COL17A1: variants seen among roughly 807,000 people sequenced by gnomAD.
COL17A1 encodes collagen type XVII alpha 1 chain.
A neutral mutation model predicts 218.4 loss-of-function variants in COL17A1; 181 were observed. That is an observed-to-expected ratio of 0.83 (90% confidence interval 0.73 to 0.94). The LOEUF (loss-of-function observed/expected upper bound fraction) is 0.94. Ranked by LOEUF, COL17A1 falls within the 40% of genes least tolerant of loss-of-function variation. The pLI is 0.00. For missense variants in COL17A1, 1,924 were observed against 1,945.9 expected (o/e 0.99, Z 0.21); for synonymous variants, 721 against 731.0 (o/e 0.99, Z 0.22).
intron 20 of COL17A1, 90 bp downstream of exon 20, chr10:104,054,891 G>T: frequency 6.3e-7 from 1 of 1,591,318 alleles, no homozygotes; most frequent in Non-Finnish European, 8.6e-7. Flanking sequence ...ACTTCTTGGA[G>T]TGCAAGGTGG....
Position 104,037,620 on chromosome 10 carries a change from G to A in COL17A1, c.3208+16C>T, listed in dbSNP as rs2282437. 0.81 allele frequency: 1,302,337 copies of A among 1,613,628 alleles called. 531,264 individuals carry two copies. Among genetic ancestry groups the A allele is most frequent in the East Asian group, 0.84 (37,628 of 44,856 alleles). On this transcript the variant is annotated intron_variant, in intron 46 of 55. Transcript: ENST00000648076. ...AGGAGGAAGGTGCCAGGTGCAGGGC[G>A]TGGGGAAGGGCTTACTCCGTAAGTA... is the stretch of plus-strand genomic sequence containing the variant.
In COL17A1 at chr10:104,032,224, C is replaced by T; in HGVS notation, c.*11G>A. 6.2e-7 allele frequency: 1 copy of T among 1,611,478 alleles called. No homozygotes were observed. Among genetic ancestry groups the T allele is most frequent in the East Asian group, 2.2e-5 (1 of 44,874 alleles). On this transcript the variant is annotated 3_prime_UTR_variant, in exon 56 of 56. Coordinates refer to ENST00000648076, the MANE Select transcript of COL17A1 (RefSeq NM_000494.4). ...GAGACCTGGTCCAGGAGCTGTCCTG[C>T]CATGGCTAGCTCACGGCTTGACAGC...
Position 104,035,523 on chromosome 10 carries a change from G to A in COL17A1, c.3459C>T (p.Pro1153=), listed in dbSNP as rs1034584174. The A allele has an allele frequency of 3.1e-6, 5 of 1,613,722 alleles. No homozygotes were observed. The African/African-American group carries it at 6.7e-5, about 22-fold the overall frequency. Residue 1153 remains proline (P), a synonymous_variant, in exon 49 of 56, where the codon CCC becomes CCT. Transcript: ENST00000648076. ...ISIGLPGPPG[P]PGLPGTSYEE... ...CATAGGAGGTTCCCGGCAAGCCAGG[G>A]GGCCCCGGGGGACCAGGAAGCCCAA...
intron 9 of COL17A1, among the ~76,000 whole-genome samples, chr10:104,067,082 A>C (rs2086632463): frequency 6.6e-6 from 1 of 152,228 alleles, no homozygotes; most frequent in South Asian, 2.1e-4. Flanking sequence ...TTAAAAGGGC[A>C]GCCATGACCA....
chr10:104,052,960 G>T, intron 23 of COL17A1, 71 bp downstream of exon 23: 1 of 1,539,012 alleles, frequency 6.5e-7, no homozygotes, highest in Middle Eastern at 1.7e-4. Flanking sequence ...GAGTGAAGGA[G>T]GGACGGGTGT....
chr10:104,048,384 C>T (rs2086434979), intron 29 of COL17A1, among the ~76,000 whole-genome samples: 1 of 152,184 alleles, frequency 6.6e-6, no homozygotes, highest in African/African-American at 2.4e-5. Flanking sequence ...TACTTGAGGG[C>T]CTAGAAGTCA....
rs1160585914 is a variant in COL17A1 at position 104,076,408 on chromosome 10, G to A, written c.224C>T (p.Ala75Val). ...INSTGSTRGHASTSSYRRAHS... is the reference protein window; with the variant it reads ...INSTGSTRGHVSTSSYRRAHS... ...AGCCCTCCTGTAACTAGAGGTGGAG[G>A]CATGGCCTCGTGTGCTTCCAGCTGC... Residue 75 changes from alanine (A) to valine (V), a missense_variant, in exon 5 of 56, where the codon GCC becomes GTC. Physicochemically the swap from Ala to Val is moderately conservative, Grantham distance 64. Coordinates refer to ENST00000648076, the MANE Select transcript of COL17A1 (RefSeq NM_000494.4). 2 of 1,614,042 alleles carry A rather than the reference G, an allele frequency of 1.2e-6. No homozygotes were observed. Among genetic ancestry groups the A allele is most frequent in the Non-Finnish European group, 1.7e-6 (2 of 1,180,012 alleles).
intron 30 of COL17A1, 35 bp from the exon 31 acceptor site, chr10:104,047,845 A>G (rs144196873): frequency 6.3e-7 from 1 of 1,579,082 alleles, no homozygotes; most frequent in African/African-American, 1.3e-5. Flanking sequence ...AAGTGTTTAC[A>G]TTTAGGAAAG....
At chr10:104,051,278 G>T (rs1429872144) in intron 25 of COL17A1, among the ~76,000 whole-genome samples, 1 of 152,238 alleles carries the variant, frequency 6.6e-6, no homozygotes, top group African/African-American at 2.4e-5. Flanking sequence ...CAAGCCCTAA[G>T]CCAGGTCAGA....
At chr10:104,048,368 C>T (rs1488229590) in intron 29 of COL17A1, among the ~76,000 whole-genome samples, 2 of 152,214 alleles carry the variant, frequency 1.3e-5, no homozygotes, top group East Asian at 1.9e-4. Context: ...CAATGCTTGT[C>T]GCGTTTACTT....
At chr10:104,072,513 A>G (rs539424495) in intron 7 of COL17A1, among the ~76,000 whole-genome samples, 1 of 152,372 alleles carries the variant, frequency 6.6e-6, no homozygotes, top group African/African-American at 2.4e-5. Flanking sequence ...GGAAGCTGGT[A>G]GCTAACATTA....
At chr10:104,080,864 A>C (rs1336257504) in intron 1 of COL17A1, among the ~76,000 whole-genome samples, 180 bp from the exon 2 acceptor site, 1 of 152,218 alleles carries the variant, frequency 6.6e-6, no homozygotes, top group African/African-American at 2.4e-5. Flanking sequence ...ATAGAGGTTA[A>C]TTTAATTGTT....
intron 39 of COL17A1, 58 bp downstream of exon 39, chr10:104,041,007 C>G: frequency 6.3e-7 from 1 of 1,597,306 alleles, no homozygotes; most frequent in Non-Finnish European, 8.6e-7. Context: ...CGGCCACAGT[C>G]TGTGGCAGGA....
At chr10:104,063,469 C>G in intron 11 of COL17A1, 1 of 482,126 alleles carries the variant, frequency 2.1e-6, no homozygotes, top group Non-Finnish European at 3.8e-6. Context: ...CACGATGATT[C>G]CGTTAGACCC....
chr10:104,033,345 G>T lies in COL17A1; in HGVS notation c.4187C>A (p.Thr1396Asn). The T allele has an allele frequency of 1.2e-6, 2 of 1,610,370 alleles. No individual in the cohort carries two copies. The highest frequency in any genetic ancestry group is 1.7e-6 in the Non-Finnish European group (2 of 1,178,432). ...AGGCTGGCCTGGTGGGCCCTGGACA[G>T]TGTAGGCCATCCCTTGCAGTAGGCC... ...RQGLLQGMAY[T>N]VQGPPGQPGP... The change falls in exon 53 of 56, where the codon ACT becomes AAT. Residue 1396 changes from threonine (T) to asparagine (N), a missense_variant. Physicochemically the swap from Thr to Asn is moderately conservative, Grantham distance 65 (BLOSUM62 0). Transcript: ENST00000648076.
chr10:104,044,899 TATC>T (rs972266566), intron 33 of COL17A1, among the ~76,000 whole-genome samples: 14 of 152,122 alleles, frequency 9.2e-5, no homozygotes, highest in African/African-American at 3.4e-4. Flanking sequence ...TAAACTCAGT[TATC>T]ATTATTTTGG....
At chr10:104,044,847 G>A (rs747315300) in intron 33 of COL17A1, among the ~76,000 whole-genome samples, 2 of 152,144 alleles carry the variant, frequency 1.3e-5, no homozygotes, top group Non-Finnish European at 2.9e-5. Context: ...CCATCCATTC[G>A]TGAACATATC....
intron 48 of COL17A1, among the ~76,000 whole-genome samples, chr10:104,036,107 TGTGTGTGTATGG>T (rs2086291729): frequency 3.3e-4 from 2 of 6,012 alleles, no homozygotes; most frequent in Non-Finnish European, 6.1e-4. Flanking sequence ...TGTATGGGAG[TGTGTGTGTATGG>T]GAGTGTGTGT....
At chr10:104,066,156 A>T (rs2086624357) in intron 9 of COL17A1, among the ~76,000 whole-genome samples, 1 of 152,190 alleles carries the variant, frequency 6.6e-6, no homozygotes, top group South Asian at 2.1e-4. Flanking sequence ...CATAAGTCAA[A>T]TACTTGAAGA....
Sources: gnomAD v4.1 joint callset for allele counts (sites outside exome capture counted in the v4.1 genomes callset) on GRCh38, gnomAD v4.1.1 for gene constraint, MANE v1.5 for transcripts, NCBI Gene and HGNC (gene_info 2026-07-23, HGNC 2026-07-21) for gene names.